Variants in CADM1 observed in about 807,000 individuals in gnomAD.
CADM1 encodes the protein cell adhesion molecule 1.
A neutral mutation model predicts 53.1 loss-of-function variants in CADM1; 15 were observed. That is an observed-to-expected ratio of 0.28 (90% CI 0.19 to 0.44). The LOEUF is 0.44. Ranked by LOEUF, CADM1 falls within the 20% of genes least tolerant of loss-of-function variation. The pLI is 1.00. For missense variants in CADM1, 434 were observed against 611.3 expected (o/e 0.71, Z 3.06); for synonymous variants, 281 against 243.0 (o/e 1.16, Z -1.45).
intron 9 of CADM1, among the ~76,000 whole-genome samples, chr11:115,192,606 C>A (rs954381645): frequency 6.6e-6 from 1 of 152,216 alleles, no homozygotes; most frequent in African/African-American, 2.4e-5. Context: ...TAATCTCTCA[C>A]TTCTACCTGG....
chr11:115,203,981 C>T (rs2134705340), intron 8 of CADM1, among the ~76,000 whole-genome samples: 1 of 152,128 alleles, frequency 6.6e-6, no homozygotes, highest in South Asian at 2.1e-4. Flanking sequence ...TACTAGTGCC[C>T]CCAAAATATT....
At chr11:115,263,896 G>A (rs535144671) in intron 1 of CADM1, among the ~76,000 whole-genome samples, 3 of 152,290 alleles carry the variant, frequency 2.0e-5, no homozygotes, top group South Asian at 2.1e-4. Flanking sequence ...TAAGAACAAC[G>A]ATAGCAAAAG....
chr11:115,338,538 A>G (rs934769221), intron 1 of CADM1, among the ~76,000 whole-genome samples: 7 of 152,160 alleles, frequency 4.6e-5, no homozygotes, highest in Admixed American at 1.3e-4. Flanking sequence ...TAGATTATAA[A>G]TCCTTGAACC....
At chr11:115,460,935 C>T (rs575758428) in intron 1 of CADM1, among the ~76,000 whole-genome samples, 29 of 152,114 alleles carry the variant, frequency 1.9e-4, no homozygotes, top group Non-Finnish European at 4.1e-4. Context: ...TGAACCCATG[C>T]TAATTTGCAT....
chr11:115,488,476 T>C (rs1476411720), intron 1 of CADM1, among the ~76,000 whole-genome samples: 3 of 152,172 alleles, frequency 2.0e-5, no homozygotes, highest in Admixed American at 2.0e-4. Context: ...CAAAAACTCC[T>C]TCACAAGGTC....
At chr11:115,389,135 A>C (rs1470892077) in intron 1 of CADM1, among the ~76,000 whole-genome samples, 1 of 152,132 alleles carries the variant, frequency 6.6e-6, no homozygotes, top group Non-Finnish European at 1.5e-5. Context: ...AGAAGGAAGG[A>C]GTGAAAAAGA....
intron 1 of CADM1, 49 bp downstream of exon 1, chr11:115,504,221 TG>T: frequency 6.4e-7 from 1 of 1,558,016 alleles, no homozygotes; most frequent in Non-Finnish European, 8.7e-7. Flanking sequence ...CCAAGGCTAC[TG>T]GGGTGCCTTC....
At position 115,461,650 on chromosome 11, in the gene CADM1, G is replaced by C. The variant is rs117152251; in HGVS notation, c.124+42621C>G. On this transcript the variant is annotated intron_variant, in intron 1 of 11. Coordinates refer to ENST00000331581, the MANE Select transcript of CADM1 (RefSeq NM_001301043.2). ...CGGCGGTGAGCTATGAAAGGAAAAA[G>C]AAATGAATATGGATGAACCTGTTGA... 1.3e-4 allele frequency among the ~76,000 whole-genome samples: 20 copies of C among 152,322 alleles called. No individual in the cohort carries two copies. In the East Asian group the frequency reaches 3.9e-3, roughly 29 times the overall value.
At chr11:115,409,790 G>C (rs1233144203) in intron 1 of CADM1, among the ~76,000 whole-genome samples, 1 of 152,062 alleles carries the variant, frequency 6.6e-6, no homozygotes. Flanking sequence ...CATTAGGGCA[G>C]GGATAAATTT....
At chr11:115,351,873 G>C (rs976061177) in intron 1 of CADM1, among the ~76,000 whole-genome samples, 2 of 152,102 alleles carry the variant, frequency 1.3e-5, no homozygotes, top group Non-Finnish European at 2.9e-5. Context: ...ACAAAGATGA[G>C]GAGGAAGAAA....
chr11:115,217,570 A>C (rs538433479), intron 6 of CADM1, among the ~76,000 whole-genome samples: 1 of 152,216 alleles, frequency 6.6e-6, no homozygotes, highest in African/African-American at 2.4e-5. Flanking sequence ...ATATATCATT[A>C]GATTGTAGGG....
At chr11:115,379,750 A>G (rs1432254888) in intron 1 of CADM1, among the ~76,000 whole-genome samples, 1 of 152,214 alleles carries the variant, frequency 6.6e-6, no homozygotes, top group Non-Finnish European at 1.5e-5. Context: ...GATAGTAAAA[A>G]TGAGATTATG....
intron 1 of CADM1, among the ~76,000 whole-genome samples, chr11:115,301,300 A>G (rs879312023): frequency 2.0e-5 from 3 of 152,062 alleles, no homozygotes; most frequent in Non-Finnish European, 4.4e-5. Context: ...TTCACTTTCT[A>G]TGTGTATGAC....
At position 115,196,765 on chromosome 11, in the gene CADM1, A is replaced by T. The variant is rs1030648731; in HGVS notation, c.1111+1641T>A. Among the ~76,000 whole-genome samples the T allele has an allele frequency of 2.6e-5, 4 of 152,206 alleles. No homozygotes were observed. The East Asian group carries it at 7.7e-4, about 29-fold the overall frequency. ...CTTGTAGTTAATTACAGTAAGCTCA[A>T]AACTTAAAGTATCTTAAAAAGAAAC... On this transcript the variant is annotated intron_variant, in intron 9 of 11. Coordinates refer to ENST00000331581, the MANE Select transcript of CADM1 (RefSeq NM_001301043.2).
chr11:115,458,029 T>G (rs985980595), intron 1 of CADM1, among the ~76,000 whole-genome samples: 1 of 152,050 alleles, frequency 6.6e-6, no homozygotes, highest in African/African-American at 2.4e-5. Flanking sequence ...CTGTGGCGTT[T>G]ACAGAAAATA....
intron 10 of CADM1, among the ~76,000 whole-genome samples, chr11:115,187,336 C>T (rs1939610175): frequency 6.6e-6 from 1 of 152,166 alleles, no homozygotes; most frequent in South Asian, 2.1e-4. Context: ...TAAGACACTC[C>T]CAGTAACCGG....
At chr11:115,388,528 G>C (rs902828530) in intron 1 of CADM1, among the ~76,000 whole-genome samples, 1 of 152,076 alleles carries the variant, frequency 6.6e-6, no homozygotes, top group African/African-American at 2.4e-5. Flanking sequence ...GCAATGCCCT[G>C]ATCAGATAAC....
chr11:115,258,955 TAAAGAACATGAA>T (rs1461127651), intron 1 of CADM1, among the ~76,000 whole-genome samples: 4 of 152,144 alleles, frequency 2.6e-5, no homozygotes, highest in Non-Finnish European at 5.9e-5. Flanking sequence ...TTAATTTTTT[TAAAGAACATGAA>T]AAAGAGAAAA....
chr11:115,210,678 G>A (rs1484971294), intron 7 of CADM1, among the ~76,000 whole-genome samples: 1 of 152,158 alleles, frequency 6.6e-6, no homozygotes, highest in East Asian at 1.9e-4. Context: ...TTTTCTCCCT[G>A]ACACATCTGG....
Sources: gnomAD v4.1 joint callset for allele counts (sites outside exome capture counted in the v4.1 genomes callset) on GRCh38, gnomAD v4.1.1 for gene constraint, MANE v1.5 for transcripts, NCBI Gene and HGNC (gene_info 2026-07-23, HGNC 2026-07-21) for gene names.